HSD17B4: variants seen among roughly 807,000 people sequenced by gnomAD.
HSD17B4 encodes peroxisomal multifunctional enzyme type 2.
HSD17B4 carries 70 observed loss-of-function variants against 101.0 expected under a neutral mutation model. The ratio of observed to expected loss-of-function variants is 0.69; its 90% CI spans 0.57 to 0.85. The LOEUF (loss-of-function observed/expected upper bound fraction) is 0.85. HSD17B4 is among the 40% of genes least tolerant of loss of function. The pLI, the probability that HSD17B4 is intolerant of heterozygous loss-of-function variation, is 0.00. For synonymous variants in HSD17B4, 347 were observed against 297.1 expected, an observed-to-expected ratio of 1.17 and a Z score of -1.73; for missense variants, 984 against 892.4, an observed-to-expected ratio of 1.10 and a Z score of -1.31.
intron 16 of HSD17B4, 85 bp from the exon 17 acceptor site, chr5:119,514,896 A>G (rs1328499285): frequency 1.2e-6 from 1 of 820,344 alleles, no homozygotes; most frequent in Non-Finnish European, 2.2e-6. Flanking sequence ...GTATTGAAAC[A>G]TGATTGTGTA....
intron 4 of HSD17B4, among the ~76,000 whole-genome samples, chr5:119,474,863 A>G (rs139574985): frequency 2.0e-5 from 3 of 152,150 alleles, no homozygotes; most frequent in African/African-American, 7.2e-5. Context: ...ATTACTTAAG[A>G]TGATTTCTCT....
intron 14 of HSD17B4, among the ~76,000 whole-genome samples, chr5:119,504,498 CATT>C (rs1751472567): frequency 6.6e-6 from 1 of 152,090 alleles, no homozygotes; most frequent in Non-Finnish European, 1.5e-5. Context: ...CATGGTATCT[CATT>C]GTGGTTTTGA....
At chr5:119,527,460 A>G (rs1753706725) in intron 20 of HSD17B4, among the ~76,000 whole-genome samples, 1 of 152,064 alleles carries the variant, frequency 6.6e-6, no homozygotes, top group Non-Finnish European at 1.5e-5. Context: ...CTAAATTGGT[A>G]GCTATCTATG....
chr5:119,499,388 C>A lies in HSD17B4; in HGVS notation c.1044C>A (p.Ala348=). The A allele has an allele frequency of 6.2e-7, 1 of 1,613,678 alleles. No individual in the cohort carries two copies. Among genetic ancestry groups the A allele is most frequent in the East Asian group, 2.2e-5 (1 of 44,828 alleles). ...AYTELEAIMY[A]LGVGASIKDP... Reference sequence around the variant, plus strand: ...CGGAACTGGAAGCTATTATGTATGCCCTTGGAGTGGGAGCGTCAATCAAGG... The same window carrying A: ...CGGAACTGGAAGCTATTATGTATGCACTTGGAGTGGGAGCGTCAATCAAGG... The change falls in exon 13 of 24, where the codon GCC becomes GCA. Residue 348 remains alanine (A), a synonymous_variant. Coordinates refer to ENST00000510025, the MANE Select transcript of HSD17B4 (RefSeq NM_000414.4).
intron 8 of HSD17B4, among the ~76,000 whole-genome samples, chr5:119,487,950 AC>A (rs2126735525): frequency 6.6e-6 from 1 of 152,292 alleles, no homozygotes; most frequent in East Asian, 1.9e-4. Flanking sequence ...ATGCTTGTGT[AC>A]TTTTGAGAGC....
chr5:119,453,982 A>G (rs370671615), intron 1 of HSD17B4, among the ~76,000 whole-genome samples: 2 of 152,218 alleles, frequency 1.3e-5, no homozygotes, highest in Non-Finnish European at 2.9e-5. Flanking sequence ...TTCAGGGGCT[A>G]TATCTGAAAA....
intron 16 of HSD17B4, among the ~76,000 whole-genome samples, chr5:119,511,621 G>A (rs1220100441): frequency 6.6e-6 from 1 of 152,076 alleles, no homozygotes; most frequent in Non-Finnish European, 1.5e-5. Context: ...GTCAAAGAGA[G>A]CCTGCTAAAA....
chr5:119,457,213 G>C (rs531953510), intron 2 of HSD17B4, among the ~76,000 whole-genome samples: 56 of 152,312 alleles, frequency 3.7e-4, no homozygotes, highest in African/African-American at 1.3e-3. Flanking sequence ...TAAGTGCAGG[G>C]GGATATGTAG....
At chr5:119,493,438 A>C in intron 10 of HSD17B4, 1 of 219,600 alleles carries the variant, frequency 4.6e-6, no homozygotes, top group Non-Finnish European at 9.2e-6. Flanking sequence ...GCGAAGCTCT[A>C]TTCAGTTATC....
At chr5:119,520,118 C>CA (rs1224650892) in intron 17 of HSD17B4, among the ~76,000 whole-genome samples, 1 of 150,202 alleles carries the variant, frequency 6.7e-6, no homozygotes, top group Non-Finnish European at 1.5e-5. Flanking sequence ...ATTGAGAAAC[C>CA]AAAAAAATTA....
intron 8 of HSD17B4, among the ~76,000 whole-genome samples, chr5:119,480,573 G>A (rs982596089): frequency 5.3e-5 from 8 of 152,164 alleles, no homozygotes; most frequent in Admixed American, 2.0e-4. Context: ...GAGGCAGGGC[G>A]AGATCACAGG....
intron 2 of HSD17B4, among the ~76,000 whole-genome samples, chr5:119,458,354 T>C (rs561293402): frequency 1.3e-5 from 2 of 151,868 alleles, no homozygotes; most frequent in Admixed American, 6.6e-5. Context: ...AATTTTTTTT[T>C]TTTTTTTGAG....
chr5:119,511,159 G>A (rs1394931694), intron 16 of HSD17B4, among the ~76,000 whole-genome samples: 2 of 152,186 alleles, frequency 1.3e-5, no homozygotes, highest in African/African-American at 4.8e-5. Context: ...CAGAAATTCT[G>A]CCTAGAGGGA....
At chr5:119,526,987 A>T (rs1309485929) in intron 19 of HSD17B4, 146 bp from the exon 20 acceptor site, 1 of 631,616 alleles carries the variant, frequency 1.6e-6, no homozygotes, top group Admixed American at 2.8e-5. Flanking sequence ...ATCATATTAT[A>T]CTTAGGTCTT....
chr5:119,456,372 AG>A lies in HSD17B4; in HGVS notation c.112+5del. 6.3e-7 allele frequency: 1 copy of A among 1,591,592 alleles called. No homozygotes were observed. The highest frequency in any genetic ancestry group is 8.6e-7 in the Non-Finnish European group (1 of 1,159,470). On this transcript the variant is annotated splice_donor_5th_base_variant and intron_variant, in intron 2 of 23. Coordinates refer to ENST00000510025, the MANE Select transcript of HSD17B4 (RefSeq NM_000414.4). ...GAAAGAGGAGCGTTAGTTGTTGGTA[AG>A]TTGGTGTGTTTTTCTTTTTAATCTG...
chr5:119,530,854 A>C (rs1346545024), intron 21 of HSD17B4, among the ~76,000 whole-genome samples: 2 of 146,616 alleles, frequency 1.4e-5, no homozygotes, highest in Non-Finnish European at 3.0e-5. Context: ...TCAAAAAAAA[A>C]AAAAAAAAAC....
chr5:119,506,960 C>A, intron 15 of HSD17B4, 71 bp downstream of exon 15: 2 of 763,774 alleles, frequency 2.6e-6, no homozygotes, highest in South Asian at 1.6e-5. Flanking sequence ...AATACTTCAC[C>A]ATAGAAGTTG....
intron 23 of HSD17B4, among the ~76,000 whole-genome samples, chr5:119,539,332 A>C (rs1561496593): frequency 6.6e-6 from 1 of 151,888 alleles, no homozygotes; most frequent in African/African-American, 2.4e-5. Flanking sequence ...AAACTATTGC[A>C]AGGACAAAAA....
rs1412943588 is a variant in HSD17B4, at chr5:119,508,673, G to A, written c.1334-468G>A. Among the ~76,000 whole-genome samples the A allele has an allele frequency of 2.0e-5, 3 of 152,126 alleles. No individual in the cohort carries two copies. The East Asian group carries it at 5.8e-4, about 29-fold the overall frequency. On this transcript the variant is annotated intron_variant, in intron 15 of 23. Coordinates refer to ENST00000510025, the MANE Select transcript of HSD17B4 (RefSeq NM_000414.4). Reference sequence around the variant, plus strand: ...CTGTACAGGAACTATTCTAGTTGATGGGAAAATAAGAGTGAGCAGAACAGC... The same window carrying A: ...CTGTACAGGAACTATTCTAGTTGATAGGAAAATAAGAGTGAGCAGAACAGC...
Sources: allele counts gnomAD v4.1 joint callset (sites outside exome capture counted in the v4.1 genomes callset), GRCh38; gene constraint gnomAD v4.1.1; transcripts MANE v1.5; gene names NCBI Gene and HGNC (gene_info 2026-07-23, HGNC 2026-07-21).